Variants in SAP130 observed in about 807,000 individuals in gnomAD.
The protein encoded by SAP130 is Sin3A associated protein 130.
A neutral mutation model predicts 103.2 loss-of-function variants in SAP130; 16 were observed. The observed-to-expected ratio is 0.16, with a 90% confidence interval of 0.10 to 0.24. The LOEUF is 0.24. SAP130 is among the 10% of genes least tolerant of loss of function. The probability of loss-of-function intolerance (pLI) is 1.00; values close to 1 mark genes in which losing one functional copy is unlikely to be tolerated. For synonymous variants in SAP130, 477 were observed against 497.0 expected, an observed-to-expected ratio of 0.96 and a Z score of 0.53; for missense variants, 990 against 1,359.7, an observed-to-expected ratio of 0.73 and a Z score of 4.28.
intron 15 of SAP130, among the ~76,000 whole-genome samples, chr2:127,967,499 A>C (rs1244657289): frequency 6.6e-6 from 1 of 152,196 alleles, no homozygotes; most frequent in Non-Finnish European, 1.5e-5. Flanking sequence ...TCCGGTTTTC[A>C]AGTAATTCTC....
intron 12 of SAP130, among the ~76,000 whole-genome samples, chr2:127,990,502 A>G (rs1253035108): frequency 6.6e-6 from 1 of 152,256 alleles, no homozygotes; most frequent in Non-Finnish European, 1.5e-5. Context: ...ACTTGTTTTC[A>G]AAGCTATTTA....
At chr2:128,001,130 G>A (rs1039401562) in intron 7 of SAP130, among the ~76,000 whole-genome samples, 1 of 152,164 alleles carries the variant, frequency 6.6e-6, no homozygotes, top group African/African-American at 2.4e-5. Flanking sequence ...AGTTAGTTAT[G>A]GCTGCCTCAG....
At chr2:127,979,880 CT>C (rs754881410) in intron 14 of SAP130, among the ~76,000 whole-genome samples, 261 of 139,110 alleles carry the variant, frequency 1.9e-3, no homozygotes, top group Middle Eastern at 7.2e-3. Context: ...AAATTTTTTT[CT>C]TTTTTTTTTT....
chr2:128,003,957 CTTTTTTTTTTTTTTTTTTTT>C (rs61211577), intron 7 of SAP130, among the ~76,000 whole-genome samples: 1 of 67,878 alleles, frequency 1.5e-5, no homozygotes, highest in Non-Finnish European at 2.9e-5. Context: ...CACAGATCAG[CTTTTTTTTTTTTTTTTTTTT>C]TTTTTTTTTT....
chr2:127,982,332 A>G lies in SAP130; in HGVS notation c.1959-4243T>C, dbSNP rs577489722. On this transcript the variant is annotated intron_variant, in intron 14 of 20. Transcript: ENST00000643581. ...GAGAGAGGGGGAGAAGAACTAGAGC[A>G]TCATTCTTGAATAGACAAGAGAGGA... 2.0e-5 allele frequency among the ~76,000 whole-genome samples: 3 copies of G among 152,326 alleles called. No individual in the cohort carries two copies. In the South Asian group the frequency reaches 6.2e-4, roughly 32 times the overall value.
At position 127,950,376 on chromosome 2, in the gene SAP130, G is replaced by A; in HGVS notation, c.2455C>T (p.Pro819Ser). 1.2e-6 allele frequency: 2 copies of A among 1,614,208 alleles called. No individual in the cohort carries two copies. Among genetic ancestry groups the A allele is most frequent in the Non-Finnish European group, 1.7e-6 (2 of 1,180,028 alleles). ...TTGTTTGCCAGCAATGCAAGAGATG[G>A]AGACACAGTGTTGGTAGCCAGTGGA... ...VPPLATNTVSPSLALLANNLS... is the reference protein window; with the variant it reads ...VPPLATNTVSSSLALLANNLS... The change falls in exon 17 of 21, where the codon CCA becomes TCA. Residue 819 changes from proline to serine, a missense_variant. Coordinates refer to ENST00000643581, the MANE Select transcript of SAP130 (RefSeq NM_001330301.2).
chr2:128,015,011 TTAGA>T, intron 4 of SAP130, 97 bp from the exon 5 acceptor site: 1 of 895,190 alleles, frequency 1.1e-6, no homozygotes, highest in Non-Finnish European at 1.8e-6. Flanking sequence ...AGGTTGTTTT[TTAGA>T]TAGTGAGTAT....
chr2:128,001,653 T>G (rs1683568688), intron 7 of SAP130, among the ~76,000 whole-genome samples: 1 of 152,214 alleles, frequency 6.6e-6, no homozygotes, highest in African/African-American at 2.4e-5. Context: ...TTCAGTACAG[T>G]AACAGGCTGT....
intron 5 of SAP130, among the ~76,000 whole-genome samples, chr2:128,014,543 C>T (rs922940470): frequency 1.3e-5 from 2 of 152,128 alleles, no homozygotes; most frequent in Non-Finnish European, 1.5e-5. Flanking sequence ...CGCCATGTTG[C>T]CCAGGCTGGT....
Position 127,989,103 on chromosome 2 carries a change from T to C in SAP130, c.1780+461A>G, listed in dbSNP as rs896201909. 7.0e-6 allele frequency among the ~76,000 whole-genome samples: 1 copy of C among 143,012 alleles called. No homozygotes were observed. The highest frequency in any genetic ancestry group is 7.0e-5 in the Admixed American group (1 of 14,250). 93.8% of individuals were successfully genotyped at this position (143,012 alleles called of 152,430 possible). On this transcript the variant is annotated intron_variant, in intron 13 of 20. Coordinates refer to ENST00000643581, the MANE Select transcript of SAP130 (RefSeq NM_001330301.2). The surrounding 1 kb of genome is among the most constrained non-coding windows in gnomAD (Gnocchi z 4.6). ...TAGGGCTGTTGATGTATACTGTATC[T>C]TTTTTTTTTTTTGGAGACAGAGTCT...
chr2:128,017,877 T>C lies in SAP130; in HGVS notation c.151A>G (p.Arg51Gly), dbSNP rs1684883012. 1.2e-6 allele frequency: 2 copies of C among 1,614,212 alleles called. No homozygotes were observed. The highest frequency in any genetic ancestry group is 4.5e-5 in the East Asian group (2 of 44,888). Residue 51 changes from arginine (R) to glycine (G), a missense_variant, in exon 3 of 21, where the codon AGG (arginine) becomes GGG (glycine). Physicochemically the swap from Arg to Gly is moderately radical, Grantham distance 125. Transcript: ENST00000643581. ...GAGCTGCTGGAACTCATGTGCTCCC[T>C]GGCACTGACTTCAGAATCTCGACCA... ...ESGRDSEVSA[R>G]EHMSSSSSLQ...
intron 2 of SAP130, among the ~76,000 whole-genome samples, chr2:128,024,065 G>A (rs1323198624): frequency 3.9e-5 from 6 of 152,134 alleles, no homozygotes; most frequent in African/African-American, 1.2e-4. Flanking sequence ...TCCCAAAGTC[G>A]TGAAATTGGG....
chr2:127,989,552 A>T lies in SAP130; in HGVS notation c.1780+12T>A. On this transcript the variant is annotated intron_variant, in intron 13 of 20. Coordinates refer to ENST00000643581, the MANE Select transcript of SAP130 (RefSeq NM_001330301.2). The surrounding 1 kb of genome is among the most constrained non-coding windows in gnomAD (Gnocchi z 4.6). ...TCTCCAAACCACCTTCTATGCAAAA[A>T]TTTAAAATTACCTGAAGTCTTTCCT... 6.3e-7 allele frequency: 1 copy of T among 1,588,840 alleles called. No individual in the cohort carries two copies. Among genetic ancestry groups the T allele is most frequent in the Non-Finnish European group, 8.6e-7 (1 of 1,165,648 alleles).
intron 15 of SAP130, among the ~76,000 whole-genome samples, chr2:127,973,145 C>T (rs915649932): frequency 6.6e-6 from 1 of 152,204 alleles, no homozygotes; most frequent in Non-Finnish European, 1.5e-5. Flanking sequence ...ACTCTCATGG[C>T]TCTAAAGAAC....
At position 127,955,244 on chromosome 2, in the gene SAP130, C is replaced by G; in HGVS notation, c.2164G>C (p.Val722Leu). The G allele has an allele frequency of 6.2e-7, 1 of 1,613,982 alleles. No homozygotes were observed. Among genetic ancestry groups the G allele is most frequent in the African/African-American group, 1.3e-5 (1 of 74,962 alleles). The change falls in exon 16 of 21, where the codon GTC becomes CTC. Residue 722 changes from valine (V) to leucine (L), a missense_variant. By Grantham distance (32) the Val-to-Leu change is conservative. Coordinates refer to ENST00000643581, the MANE Select transcript of SAP130 (RefSeq NM_001330301.2). This position sits in a 1 kb window ranked among gnomAD's most constrained non-coding sequence, Gnocchi z 4.9. ...NQNNDQPTIA[V>L]PPTAQQPPPT... ...GGGGGCTGCTGGGCAGTTGGAGGGA[C>G]GGCAATGGTAGGCTGATCATTATTT...
chr2:127,951,619 C>T (rs1398389929), intron 16 of SAP130, among the ~76,000 whole-genome samples: 1 of 152,132 alleles, frequency 6.6e-6, no homozygotes, highest in Non-Finnish European at 1.5e-5. Context: ...TCACTGTATT[C>T]CTTTTCTTCC....
At position 127,989,345 on chromosome 2, in the gene SAP130, C is replaced by T. The variant is rs898266450; in HGVS notation, c.1780+219G>A. Among the ~76,000 whole-genome samples the T allele has an allele frequency of 6.6e-6, 1 of 152,098 alleles. No individual in the cohort carries two copies. Among genetic ancestry groups the T allele is most frequent in the Non-Finnish European group, 1.5e-5 (1 of 68,006 alleles). ...ATCTCCTGACCTCGTGATCCACCCG[C>T]CTCAGCCTCCCAAAGTGCTGGGATT... is the stretch of plus-strand genomic sequence containing the variant. On this transcript the variant is annotated intron_variant, in intron 13 of 20. Transcript: ENST00000643581. This position sits in a 1 kb window ranked among gnomAD's most constrained non-coding sequence, Gnocchi z 4.6.
At position 128,026,719 on chromosome 2, in the gene SAP130, G is replaced by C. The variant is rs376473869; in HGVS notation, c.-6-421C>G. On this transcript the variant is annotated intron_variant, in intron 1 of 20. Transcript: ENST00000643581. Reference sequence around the variant, plus strand: ...TGATTAGTATGTCATAGGAACATTCGGAGGAAGATATCCAGCCCTAAGAAA... The same window carrying C: ...TGATTAGTATGTCATAGGAACATTCCGAGGAAGATATCCAGCCCTAAGAAA... 7.2e-5 allele frequency among the ~76,000 whole-genome samples: 11 copies of C among 152,328 alleles called. No homozygotes were observed. In the East Asian group the frequency reaches 1.2e-3, roughly 16 times the overall value.
chr2:128,013,752 A>G (rs145352513), intron 5 of SAP130, among the ~76,000 whole-genome samples: 10 of 152,298 alleles, frequency 6.6e-5, no homozygotes, highest in African/African-American at 2.4e-4. Flanking sequence ...CTCACAACCT[A>G]TTAGAACTTA....
Sources: gnomAD v4.1 joint callset for allele counts (sites outside exome capture counted in the v4.1 genomes callset) on GRCh38, gnomAD v4.1.1 for gene constraint, Gnocchi (gnomAD v3.1) non-coding constraint, MANE v1.5 for transcripts, NCBI Gene and HGNC (gene_info 2026-07-23, HGNC 2026-07-21) for gene names.